The following DOCK1 variants were observed in gnomAD, a reference collection of about 807,000 sequenced individuals.
DOCK1 encodes the protein dedicator of cytokinesis 1.
DOCK1 carries 138 observed loss-of-function variants against 262.7 expected under a neutral mutation model. That is an observed-to-expected ratio of 0.53 (90% CI 0.46 to 0.61). The LOEUF (loss-of-function observed/expected upper bound fraction) is 0.61, where lower values mean the gene tolerates loss of function less well. Among genes scored for constraint, DOCK1 ranks in the 20% least tolerant of loss-of-function variants. The pLI, the probability that DOCK1 is intolerant of heterozygous loss-of-function variation, is 0.00. For synonymous variants in DOCK1, 866 were observed against 867.4 expected, an observed-to-expected ratio of 1.00 and a Z score of 0.03; for missense variants, 1,908 against 2,370.7, an observed-to-expected ratio of 0.80 and a Z score of 4.05.
At chr10:127,409,011 T>A in intron 40 of DOCK1, 26 bp from the exon 41 acceptor site, 1 of 1,566,136 alleles carries the variant, frequency 6.4e-7, no homozygotes, top group Non-Finnish European at 8.7e-7. Context: ...TCTGTGGTGT[T>A]ATGAAATGAA....
intron 31 of DOCK1, 130 bp downstream of exon 31, chr10:127,343,876 A>C: frequency 2.7e-6 from 2 of 751,158 alleles, no homozygotes; most frequent in Non-Finnish European, 4.3e-6. Context: ...GGGTGGTTTT[A>C]AATCACCAAT....
intron 25 of DOCK1, among the ~76,000 whole-genome samples, chr10:127,115,606 G>A (rs1486448226): frequency 6.6e-6 from 1 of 152,166 alleles, no homozygotes; most frequent in Non-Finnish European, 1.5e-5. Context: ...GAAATGAAAA[G>A]TTTTAGTGTA....
intron 27 of DOCK1, among the ~76,000 whole-genome samples, chr10:127,197,525 A>G (rs1184041583): frequency 6.6e-6 from 1 of 152,164 alleles, no homozygotes; most frequent in Non-Finnish European, 1.5e-5. Flanking sequence ...ATTTGCTCCT[A>G]GAATGTAATG....
At chr10:127,135,681 G>T (rs2050629771) in intron 27 of DOCK1, 2 of 152,538 alleles carry the variant, frequency 1.3e-5, no homozygotes, top group Admixed American at 1.3e-4. Flanking sequence ...AATTTTTAGG[G>T]ATGAATTAAT....
intron 23 of DOCK1, among the ~76,000 whole-genome samples, chr10:127,103,256 C>A (rs2048353640): frequency 6.6e-6 from 1 of 152,156 alleles, no homozygotes; most frequent in South Asian, 2.1e-4. Context: ...GGTTTTGTAA[C>A]CGTCATAGGT....
Position 126,985,413 on chromosome 10 carries a change from CAAT to C in DOCK1, c.228-2105_228-2103del, listed in dbSNP as rs144248798. ...TAACAAGGTGGTAACAAAGGTAAGA[CAAT>C]AAAGCCAGATCAAATGTGTTAATGC... On this transcript the variant is annotated intron_variant, in intron 4 of 51. Coordinates refer to ENST00000623213, the MANE Select transcript of DOCK1 (RefSeq NM_001290223.2). Among the ~76,000 whole-genome samples the C allele has an allele frequency of 9.0e-3, 1,364 of 152,206 alleles. 19 individuals are homozygous for C. Among genetic ancestry groups the C allele is most frequent in the African/African-American group, 0.031 (1,299 of 41,520 alleles).
chr10:127,364,069 T>A (rs1286174164), intron 33 of DOCK1, among the ~76,000 whole-genome samples: 1 of 152,214 alleles, frequency 6.6e-6, no homozygotes, highest in Non-Finnish European at 1.5e-5. Context: ...GGCCGGAACC[T>A]CCCTTGGTCT....
chr10:127,052,528 A>C, intron 21 of DOCK1, among the ~76,000 whole-genome samples, 153 bp from the exon 22 acceptor site: 1 of 44,674 alleles, frequency 2.2e-5, no homozygotes, highest in East Asian at 6.8e-4. Flanking sequence ...TCTCAAACAA[A>C]AAAAAAAAAA....
chr10:127,374,317 T>C (rs1201347504), intron 35 of DOCK1, 103 bp downstream of exon 35: 1 of 1,384,294 alleles, frequency 7.2e-7, no homozygotes, highest in Non-Finnish European at 9.5e-7. Flanking sequence ...CACGAAGCTT[T>C]CCACCGCAGA....
chr10:127,418,546 G>A lies in DOCK1; in HGVS notation c.4692+5G>A, dbSNP rs142653447. On this transcript the variant is annotated splice_donor_5th_base_variant and intron_variant, in intron 45 of 51. Transcript: ENST00000623213. Reference sequence around the variant, plus strand: ...GGCTTCGCAAACTACGAAAAGGTACGGGACCCACCAGCTTGCTCTGGGCAA... The same window carrying A: ...GGCTTCGCAAACTACGAAAAGGTACAGGACCCACCAGCTTGCTCTGGGCAA... The A allele has an allele frequency of 3.6e-5, 58 of 1,611,170 alleles. No homozygotes were observed. In the Middle Eastern group the frequency reaches 5.0e-4, roughly 14 times the overall value.
At chr10:127,340,984 A>G (rs1391636282) in intron 30 of DOCK1, among the ~76,000 whole-genome samples, 1 of 152,136 alleles carries the variant, frequency 6.6e-6, no homozygotes, top group Non-Finnish European at 1.5e-5. Flanking sequence ...TTTTACAGCT[A>G]TCTGGTTTCA....
At chr10:127,336,751 G>A (rs1015360231) in intron 29 of DOCK1, among the ~76,000 whole-genome samples, 3 of 152,108 alleles carry the variant, frequency 2.0e-5, no homozygotes, top group South Asian at 2.1e-4. Context: ...GTGTTAGCCA[G>A]GATGGTCTCA....
chr10:127,176,264 G>A lies in DOCK1; in HGVS notation c.2847+48500G>A. On this transcript the variant is annotated intron_variant, in intron 27 of 51. Coordinates refer to ENST00000623213, the MANE Select transcript of DOCK1 (RefSeq NM_001290223.2). The surrounding 1 kb of genome is among the most constrained non-coding windows in gnomAD (Gnocchi z 4.4). ...AGATATCCTTAAACCGCACCTGCAGGGCTTTGTTCCGTTTTTTAATCTGCC... is the reference window on the plus strand; with the variant it reads ...AGATATCCTTAAACCGCACCTGCAGAGCTTTGTTCCGTTTTTTAATCTGCC... 1 of 1,614,118 alleles carries A rather than the reference G, an allele frequency of 6.2e-7. No individual in the cohort carries two copies. Among genetic ancestry groups the A allele is most frequent in the Non-Finnish European group, 8.5e-7 (1 of 1,180,030 alleles).
At chr10:127,108,472 A>G (rs1592058030) in intron 24 of DOCK1, among the ~76,000 whole-genome samples, 1 of 152,194 alleles carries the variant, frequency 6.6e-6, no homozygotes, top group East Asian at 1.9e-4. Context: ...CTGTAATCCC[A>G]GCTACTCAGG....
At chr10:127,385,325 A>G (rs1465595869) in intron 38 of DOCK1, among the ~76,000 whole-genome samples, 1 of 152,172 alleles carries the variant, frequency 6.6e-6, no homozygotes, top group Non-Finnish European at 1.5e-5. Flanking sequence ...ACAAAATTAT[A>G]GATTCCACTT....
chr10:127,180,442 T>C (rs1297418878), intron 27 of DOCK1, among the ~76,000 whole-genome samples: 1 of 152,246 alleles, frequency 6.6e-6, no homozygotes. Context: ...TAGAATTCAT[T>C]GGACTGTGCT....
intron 27 of DOCK1, among the ~76,000 whole-genome samples, chr10:127,151,316 C>T (rs1417558760): frequency 1.3e-5 from 2 of 152,032 alleles, no homozygotes; most frequent in Non-Finnish European, 2.9e-5. Flanking sequence ...TGACAGGACT[C>T]AATGAAATAA....
At chr10:127,109,338 A>C (rs905781065) in intron 24 of DOCK1, among the ~76,000 whole-genome samples, 3 of 152,232 alleles carry the variant, frequency 2.0e-5, no homozygotes, top group African/African-American at 7.2e-5. Context: ...ATTTCTTCAT[A>C]GGTCTGTTAG....
In DOCK1 at chr10:127,084,582, A is replaced by G. The variant is rs568627361; in HGVS notation, c.2446-21649A>G. On this transcript the variant is annotated intron_variant, in intron 23 of 51. Transcript: ENST00000623213. ...GCTGAGATACCATTGATTGTTTCCT[A>G]TGTCACTTGTCAAGTGGAACACAAC... Among the ~76,000 whole-genome samples the G allele has an allele frequency of 5.3e-5, 8 of 152,346 alleles. No individual in the cohort carries two copies. The East Asian group carries it at 9.6e-4, about 18-fold the overall frequency.
Sources: allele counts gnomAD v4.1 joint callset (sites outside exome capture counted in the v4.1 genomes callset), GRCh38; gene constraint gnomAD v4.1.1; non-coding constraint Gnocchi (gnomAD v3.1); transcripts MANE v1.5; gene names NCBI Gene and HGNC (gene_info 2026-07-23, HGNC 2026-07-21).